Variants in PPP1R1C observed in about 807,000 individuals in gnomAD.
The protein encoded by PPP1R1C is protein phosphatase 1 regulatory subunit 1C.
In PPP1R1C, 15 loss-of-function variants were observed where a neutral mutation model predicts 17.4. The ratio of observed to expected loss-of-function variants is 0.86; its 90% confidence interval spans 0.58 to 1.33. PPP1R1C has a LOEUF of 1.33. Ranked by LOEUF, PPP1R1C falls within the 40% of genes most tolerant of loss-of-function variation. The probability of loss-of-function intolerance (pLI) is 0.00; values close to 1 mark genes in which losing one functional copy is unlikely to be tolerated. For synonymous variants in PPP1R1C, 35 were observed against 43.1 expected, an observed-to-expected ratio of 0.81 and a Z score of 0.73; for missense variants, 143 against 130.0, an observed-to-expected ratio of 1.10 and a Z score of -0.48.
At chr2:182,034,117 A>G (rs774876077) in intron 2 of PPP1R1C, among the ~76,000 whole-genome samples, 1 of 152,214 alleles carries the variant, frequency 6.6e-6, no homozygotes. Context: ...TATTCAATCA[A>G]TGAAATATTT....
intron 4 of PPP1R1C, among the ~76,000 whole-genome samples, chr2:182,068,642 G>C (rs1688059194): frequency 6.6e-6 from 1 of 152,114 alleles, no homozygotes; most frequent in Non-Finnish European, 1.5e-5. Context: ...CCGGTCCTCA[G>C]ACATCATGTC....
chr2:182,019,942 C>T (rs1406364602), intron 2 of PPP1R1C, among the ~76,000 whole-genome samples: 2 of 152,184 alleles, frequency 1.3e-5, no homozygotes, highest in African/African-American at 2.4e-5. Flanking sequence ...TCTGTAACAG[C>T]GACTTGAGAA....
chr2:182,094,314 T>A (rs964572843), intron 4 of PPP1R1C, among the ~76,000 whole-genome samples: 1 of 152,108 alleles, frequency 6.6e-6, no homozygotes, highest in African/African-American at 2.4e-5. Context: ...ACCAGGTCCC[T>A]CCCACAACAC....
intron 4 of PPP1R1C, among the ~76,000 whole-genome samples, chr2:182,102,458 C>A (rs990421325): frequency 6.6e-6 from 1 of 152,068 alleles, no homozygotes; most frequent in Non-Finnish European, 1.5e-5. Flanking sequence ...CTTATCAATT[C>A]TATTTTTTTC....
At chr2:182,039,342 T>C (rs1307262962) in intron 2 of PPP1R1C, among the ~76,000 whole-genome samples, 2 of 152,124 alleles carry the variant, frequency 1.3e-5, no homozygotes. Context: ...ATGTCTCATT[T>C]TGTAGCTTTT....
rs142999127 is a variant in PPP1R1C at position 182,099,332 on chromosome 2, G to A, written c.242-17875G>A. Among the ~76,000 whole-genome samples the A allele has an allele frequency of 4.7e-3, 711 of 152,242 alleles. 6 individuals carry two copies. The highest frequency in any genetic ancestry group is 0.039 in the South Asian group (186 of 4,824). On this transcript the variant is annotated intron_variant, in intron 4 of 4. Transcript: ENST00000682840. ...AGCAGAAGGGAATCGACTTTGGGTT[G>A]GCTAATGCTAATCATAAATATTGAT...
At chr2:182,069,983 T>A (rs1409310455) in intron 4 of PPP1R1C, among the ~76,000 whole-genome samples, 1 of 152,288 alleles carries the variant, frequency 6.6e-6, no homozygotes, top group South Asian at 2.1e-4. Flanking sequence ...GTGGGGTGGA[T>A]GCAGAGGTGA....
At chr2:182,043,451 C>A (rs995589151) in intron 2 of PPP1R1C, among the ~76,000 whole-genome samples, 1 of 152,032 alleles carries the variant, frequency 6.6e-6, no homozygotes, top group Admixed American at 6.6e-5. Context: ...ATGTTGAAAT[C>A]GAGCATAGAA....
At chr2:182,081,602 A>C (rs1213595595) in intron 4 of PPP1R1C, among the ~76,000 whole-genome samples, 1 of 152,232 alleles carries the variant, frequency 6.6e-6, no homozygotes, top group East Asian at 1.9e-4. Context: ...AGAGAAACTT[A>C]ATTCTAAAAT....
intron 3 of PPP1R1C, among the ~76,000 whole-genome samples, chr2:182,062,532 G>C (rs935343189): frequency 9.9e-5 from 15 of 152,124 alleles, no homozygotes; most frequent in African/African-American, 3.4e-4. Flanking sequence ...GAGTCACCCT[G>C]TCTACACCTG....
chr2:182,123,685 C>G (rs1415256715), intron 5 of PPP1R1C, among the ~76,000 whole-genome samples: 3 of 152,186 alleles, frequency 2.0e-5, no homozygotes, highest in Non-Finnish European at 2.9e-5. Context: ...CCTTTGCCCA[C>G]TTTTTGATGG....
intron 2 of PPP1R1C, among the ~76,000 whole-genome samples, chr2:182,022,802 A>G (rs10497588): frequency 0.019 from 2,840 of 152,296 alleles, 73 homozygotes; most frequent in African/African-American, 0.065. Context: ...TAAATAATGA[A>G]TGTTGCTAAC....
At chr2:182,091,686 C>T (rs904704304) in intron 4 of PPP1R1C, among the ~76,000 whole-genome samples, 2 of 152,064 alleles carry the variant, frequency 1.3e-5, no homozygotes, top group Non-Finnish European at 2.9e-5. Flanking sequence ...ACATCCCACC[C>T]GGCACCATCA....
At chr2:181,978,853 C>A (rs1409454656) in intron 2 of PPP1R1C, among the ~76,000 whole-genome samples, 1 of 152,008 alleles carries the variant, frequency 6.6e-6, no homozygotes, top group East Asian at 1.9e-4. Context: ...TTGTTTCTTC[C>A]ATTTTTGCAA....
At chr2:182,119,330 A>T (rs1689671693), downstream of PPP1R1C, among the ~76,000 whole-genome samples, 1 of 151,994 alleles carries the variant, frequency 6.6e-6, no homozygotes, top group Admixed American at 6.6e-5. Flanking sequence ...GTTGGTTCCA[A>T]GTCTTTGCTA....
intron 2 of PPP1R1C, among the ~76,000 whole-genome samples, chr2:182,035,469 T>C (rs1406697299): frequency 6.6e-6 from 1 of 152,230 alleles, no homozygotes; most frequent in Admixed American, 6.5e-5. Context: ...GCATTTGATA[T>C]AGTTTGTCTC....
intron 2 of PPP1R1C, among the ~76,000 whole-genome samples, chr2:182,048,491 C>T (rs540069715): frequency 3.3e-4 from 50 of 152,302 alleles, no homozygotes; most frequent in African/African-American, 1.1e-3. Context: ...CTCTGCTATA[C>T]GTAAGAAATA....
intron 2 of PPP1R1C, among the ~76,000 whole-genome samples, chr2:182,030,063 T>C (rs1380550341): frequency 8.1e-6 from 1 of 124,098 alleles, no homozygotes; most frequent in Non-Finnish European, 1.7e-5. Flanking sequence ...TTCAGCTCCA[T>C]CAGCTCCTTT....
chr2:182,054,075 G>T (rs1310742470), intron 2 of PPP1R1C, among the ~76,000 whole-genome samples: 6 of 151,978 alleles, frequency 3.9e-5, no homozygotes, highest in East Asian at 1.9e-4. Context: ...TTATATTTTG[G>T]TATTGGATTT....
Sources: gnomAD v4.1 joint callset for allele counts (sites outside exome capture counted in the v4.1 genomes callset) on GRCh38, gnomAD v4.1.1 for gene constraint, MANE v1.5 for transcripts, NCBI Gene and HGNC (gene_info 2026-07-23, HGNC 2026-07-21) for gene names.